The following KLF12 variants were observed in gnomAD, a reference collection of about 807,000 sequenced individuals.
The protein encoded by KLF12 is Krueppel-like factor 12.
KLF12 carries 9 observed loss-of-function variants against 37.8 expected under a neutral mutation model. The ratio of observed to expected loss-of-function variants is 0.24; its 90% CI spans 0.14 to 0.42. The LOEUF (loss-of-function observed/expected upper bound fraction) is 0.42. Ranked by LOEUF, KLF12 falls within the 10% of genes least tolerant of loss-of-function variation. The pLI is 1.00. For synonymous variants in KLF12, 208 were observed against 202.1 expected (o/e 1.03, Z -0.25); for missense variants, 411 against 516.0 (o/e 0.80, Z 1.97).
the KLF12 span, among the ~76,000 whole-genome samples, chr13:74,201,828 A>G: frequency 1.3e-5 from 2 of 152,162 alleles, no homozygotes; most frequent in Non-Finnish European, 2.9e-5. Context: ...TGACATTGCA[A>G]TTCAGCAGTG....
the KLF12 span, among the ~76,000 whole-genome samples, chr13:74,221,656 CTATTT>C: frequency 5.9e-5 from 9 of 152,120 alleles, no homozygotes; most frequent in Non-Finnish European, 1.3e-4. Context: ...CACTGACATG[CTATTT>C]TATAATTGCT....
chr13:73,727,153 A>G (rs1876726122), intron 6 of KLF12, among the ~76,000 whole-genome samples: 1 of 151,910 alleles, frequency 6.6e-6, no homozygotes, highest in East Asian at 1.9e-4. Flanking sequence ...AGATTTCTTT[A>G]TATATTCTGG....
At chr13:74,083,425 T>C (rs1282313136) in intron 1 of KLF12, among the ~76,000 whole-genome samples, 1 of 151,268 alleles carries the variant, frequency 6.6e-6, no homozygotes, top group Non-Finnish European at 1.5e-5. Context: ...GAGGATCACC[T>C]GAGCCCCAGA....
intron 3 of KLF12, among the ~76,000 whole-genome samples, chr13:73,887,932 T>C (rs1348625222): frequency 2.6e-5 from 4 of 152,228 alleles, no homozygotes; most frequent in Admixed American, 1.3e-4. Context: ...TGCTCTTTTG[T>C]AAATCTGTTT....
At chr13:74,176,895 A>G in the KLF12 span, among the ~76,000 whole-genome samples, 1 of 152,182 alleles carries the variant, frequency 6.6e-6, no homozygotes, top group African/African-American at 2.4e-5. Context: ...GGTGCTTAAT[A>G]AATATTGAAT....
intron 3 of KLF12, among the ~76,000 whole-genome samples, chr13:73,913,253 T>A (rs1888659541): frequency 6.6e-6 from 1 of 152,188 alleles, no homozygotes; most frequent in Non-Finnish European, 1.5e-5. Context: ...TCCTTACACG[T>A]CACTTAGTCA....
intron 4 of KLF12, among the ~76,000 whole-genome samples, chr13:73,836,082 T>C (rs1884417908): frequency 6.6e-6 from 1 of 151,592 alleles, no homozygotes; most frequent in African/African-American, 2.4e-5. Context: ...GAAAAACACA[T>C]ACAATTGGCC....
At chr13:73,793,589 T>C (rs559519894) in intron 5 of KLF12, among the ~76,000 whole-genome samples, 1 of 152,328 alleles carries the variant, frequency 6.6e-6, no homozygotes, top group South Asian at 2.1e-4. Flanking sequence ...AAGACTCCTT[T>C]CCAGTACAAC....
At chr13:73,854,580 T>A (rs935465980) in intron 3 of KLF12, among the ~76,000 whole-genome samples, 1 of 152,168 alleles carries the variant, frequency 6.6e-6, no homozygotes, top group Non-Finnish European at 1.5e-5. Flanking sequence ...TGGCTTTGCT[T>A]TTTGGATAAC....
At chr13:73,858,944 G>C (rs1885756423) in intron 3 of KLF12, among the ~76,000 whole-genome samples, 1 of 152,158 alleles carries the variant, frequency 6.6e-6, no homozygotes, top group South Asian at 2.1e-4. Flanking sequence ...TTTAACTGAT[G>C]ATTTTAAAAC....
At position 74,058,219 on chromosome 13, in the gene KLF12, G is replaced by C. The variant is rs373888441; in HGVS notation, c.-31-63166C>G. Among the ~76,000 whole-genome samples the C allele has an allele frequency of 4.6e-5, 7 of 151,780 alleles. No homozygotes were observed. In the East Asian group the frequency reaches 7.7e-4, roughly 17 times the overall value. On this transcript the variant is annotated intron_variant, in intron 1 of 7. Coordinates refer to ENST00000377669, the MANE Select transcript of KLF12 (RefSeq NM_007249.5). The stretch of plus-strand genomic sequence containing the variant: ...TGACCTCAACTGATCCACCCGCCTC[G>C]GACTCCCAAAGTGCTGGGATTACAG...
rs1593969315 is a variant in KLF12, at chr13:73,697,477, C to T, written c.1028-1806G>A. On this transcript the variant is annotated intron_variant, in intron 7 of 7. Transcript: ENST00000377669. ...AACTGCATTTGCATGTGTCTACTGA[C>T]CAAAGTTTGACAGAAATGAAACAAA... Among the ~76,000 whole-genome samples the T allele has an allele frequency of 2.0e-5, 3 of 152,202 alleles. No individual in the cohort carries two copies. The East Asian group carries it at 5.8e-4, about 29-fold the overall frequency.
At chr13:73,728,484 T>A (rs189298178) in intron 6 of KLF12, among the ~76,000 whole-genome samples, 4 of 152,360 alleles carry the variant, frequency 2.6e-5, no homozygotes, top group Non-Finnish European at 1.5e-5. Context: ...GTGAAAGTCC[T>A]GTATGGACAT....
chr13:74,207,781 C>G, the KLF12 span, among the ~76,000 whole-genome samples: 1 of 152,152 alleles, frequency 6.6e-6, no homozygotes, highest in African/African-American at 2.4e-5. Context: ...AGCTTTCAAA[C>G]CACTAGGGCA....
At chr13:73,831,693 T>C (rs1351616350) in intron 4 of KLF12, among the ~76,000 whole-genome samples, 1 of 152,198 alleles carries the variant, frequency 6.6e-6, no homozygotes, top group Non-Finnish European at 1.5e-5. Context: ...GCTGCCACTT[T>C]TTTACCCTCA....
chr13:74,238,373 TTCA>T, the KLF12 span, among the ~76,000 whole-genome samples: 1 of 135,494 alleles, frequency 7.4e-6, no homozygotes, highest in Admixed American at 6.9e-5. Context: ...TGCATCAATG[TTCA>T]TCAAGGATAT....
chr13:73,962,931 T>G (rs1891063574), intron 2 of KLF12, among the ~76,000 whole-genome samples: 1 of 152,196 alleles, frequency 6.6e-6, no homozygotes, highest in East Asian at 1.9e-4. Flanking sequence ...AAACAGACCA[T>G]TCTCTCACAC....
chr13:74,185,810 G>A, the KLF12 span, among the ~76,000 whole-genome samples: 2 of 151,832 alleles, frequency 1.3e-5, no homozygotes, highest in Admixed American at 6.6e-5. Context: ...GCACACCTGT[G>A]CTTTTGTATT....
intron 5 of KLF12, among the ~76,000 whole-genome samples, chr13:73,795,083 A>C (rs1881887152): frequency 6.6e-6 from 1 of 152,242 alleles, no homozygotes. Flanking sequence ...GATTTGCTAA[A>C]AAGAAAGTTT....
Sources: gnomAD v4.1 joint callset for allele counts (sites outside exome capture counted in the v4.1 genomes callset) on GRCh38, gnomAD v4.1.1 for gene constraint, MANE v1.5 for transcripts, NCBI Gene and HGNC (gene_info 2026-07-23, HGNC 2026-07-21) for gene names.